The following DHRSX variants were observed in gnomAD, a reference collection of about 807,000 sequenced individuals.
The protein encoded by DHRSX is polyprenol dehydrogenase.
DHRSX carries 31 observed loss-of-function variants against 34.0 expected under a neutral mutation model. The observed-to-expected ratio is 0.91, with a 90% CI of 0.69 to 1.23. The LOEUF is 1.23. Among genes scored for constraint, DHRSX ranks in the 50% most tolerant of loss-of-function variants. The pLI, the probability that DHRSX is intolerant of heterozygous loss-of-function variation, is 0.00. For missense variants in DHRSX, 414 were observed against 428.1 expected (o/e 0.97, Z 0.29); for synonymous variants, 201 against 183.8 (o/e 1.09, Z -0.76).
intron 1 of DHRSX, among the ~76,000 whole-genome samples, chrX:2,447,864 A>C (rs1220866482): frequency 1.1e-5 from 1 of 91,076 alleles, no homozygotes; most frequent in South Asian, 3.4e-4. Flanking sequence ...GTTGCCAGGG[A>C]AGAATGCTTC....
chrX:2,495,678 C>T (rs1449839818), intron 1 of DHRSX, among the ~76,000 whole-genome samples: 2 of 152,254 alleles, frequency 1.3e-5, no homozygotes, highest in East Asian at 3.9e-4. Flanking sequence ...TCCCTTGCAG[C>T]GCTTCCGAGC....
At chrX:2,419,711 C>T (rs756860845) in intron 2 of DHRSX, among the ~76,000 whole-genome samples, 35 of 150,214 alleles carry the variant, frequency 2.3e-4, no homozygotes, top group Non-Finnish European at 3.7e-4. Flanking sequence ...AGCAAACTAT[C>T]GCAAGGACAA....
rs866897363 is a variant in DHRSX at position 2,277,130 on chromosome X, G to A, written c.389-10183C>T. Among the ~76,000 whole-genome samples, 218 of 33,944 alleles carry A rather than the reference G, an allele frequency of 6.4e-3. 7 individuals carry two copies. The highest frequency in any genetic ancestry group is 0.023 in the African/African-American group (114 of 5,022). The allele number at this position is 33,944 out of a possible 152,430, so 22.3% of individuals were successfully genotyped here. On this transcript the variant is annotated intron_variant, in intron 4 of 6. Coordinates refer to ENST00000334651, the MANE Select transcript of DHRSX (RefSeq NM_145177.3). Reference sequence around the variant, plus strand: ...AGAGAGGGAGGGCAAACGAGAGAGGGAGAGAGAAGGAAGAGGAGGAAATAG... The same window carrying A: ...AGAGAGGGAGGGCAAACGAGAGAGGAAGAGAGAAGGAAGAGGAGGAAATAG...
intron 3 of DHRSX, among the ~76,000 whole-genome samples, chrX:2,346,781 T>C (rs1308011851): frequency 6.6e-6 from 1 of 152,092 alleles, no homozygotes; most frequent in Admixed American, 6.6e-5. Context: ...GTATTTCTCC[T>C]AATGCTATCC....
intron 5 of DHRSX, among the ~76,000 whole-genome samples, chrX:2,252,995 G>A (rs1482137650): frequency 1.3e-5 from 2 of 152,174 alleles, no homozygotes; most frequent in Non-Finnish European, 2.9e-5. Context: ...AGACCAGACT[G>A]GGGAGTATAG....
chrX:2,343,674 G>A (rs1401819589), intron 3 of DHRSX, among the ~76,000 whole-genome samples: 1 of 152,178 alleles, frequency 6.6e-6, no homozygotes, highest in Non-Finnish European at 1.5e-5. Flanking sequence ...TTCCTTGCAA[G>A]ATGGCGACCA....
chrX:2,318,503 G>A (rs1169512522), intron 3 of DHRSX, among the ~76,000 whole-genome samples: 8 of 151,732 alleles, frequency 5.3e-5, no homozygotes, highest in African/African-American at 1.2e-4. Context: ...CCAAGATGGC[G>A]ACGAGACTGA....
In DHRSX at chrX:2,432,950, T is replaced by G. The variant is rs1292817908; in HGVS notation, c.110-7646A>C. ...CCAGCCTGGGAAACAGAGAGAGGCCTCATCTCTACAAAAAATTTAAAAAAT... is the reference window on the plus strand; with the variant it reads ...CCAGCCTGGGAAACAGAGAGAGGCCGCATCTCTACAAAAAATTTAAAAAAT... On this transcript the variant is annotated intron_variant, in intron 1 of 6. Transcript: ENST00000334651. Among the ~76,000 whole-genome samples, 3 of 152,142 alleles carry G rather than the reference T, an allele frequency of 2.0e-5. No individual in the cohort carries two copies. In the East Asian group the frequency reaches 5.8e-4, roughly 30 times the overall value.
chrX:2,456,613 CAAAAA>C (rs57262200), intron 1 of DHRSX, among the ~76,000 whole-genome samples: 2 of 108,874 alleles, frequency 1.8e-5, no homozygotes, highest in Admixed American at 1.0e-4. Flanking sequence ...GACTCCTCTT[CAAAAA>C]AAAAAAAAAA....
chrX:2,316,569 T>C (rs1360794438), intron 3 of DHRSX, among the ~76,000 whole-genome samples: 1 of 151,656 alleles, frequency 6.6e-6, no homozygotes, highest in Non-Finnish European at 1.5e-5. Flanking sequence ...ACAACAATAA[T>C]AACAACAAAA....
intron 3 of DHRSX, among the ~76,000 whole-genome samples, chrX:2,355,114 A>G (rs904470579): frequency 3.3e-5 from 5 of 152,228 alleles, no homozygotes; most frequent in African/African-American, 1.2e-4. Flanking sequence ...GGTTGGAAGG[A>G]AAACACAAAT....
At chrX:2,232,407 T>C (rs1367748074) in intron 6 of DHRSX, among the ~76,000 whole-genome samples, 1 of 152,014 alleles carries the variant, frequency 6.6e-6, no homozygotes, top group African/African-American at 2.4e-5. Flanking sequence ...CCGAGAACTA[T>C]CTTCTTTTGT....
chrX:2,257,837 G>A (rs1386723273), intron 5 of DHRSX, among the ~76,000 whole-genome samples: 1 of 152,042 alleles, frequency 6.6e-6, no homozygotes, highest in Non-Finnish European at 1.5e-5. Flanking sequence ...GTGTTGTCCA[G>A]GCTGGTCTTG....
At chrX:2,499,230 T>G (rs1055320367) in intron 1 of DHRSX, among the ~76,000 whole-genome samples, 1 of 152,014 alleles carries the variant, frequency 6.6e-6, no homozygotes, top group African/African-American at 2.4e-5. Flanking sequence ...TGCAGTAGTG[T>G]CTTCCAGAGG....
rs368627263 is a variant in DHRSX, at chrX:2,405,023, G to GA, written c.286+3721dup. 4.1e-4 allele frequency among the ~76,000 whole-genome samples: 62 copies of GA among 152,206 alleles called. 1 individual carries two copies. The highest frequency in any genetic ancestry group is 1.4e-3 in the African/African-American group (59 of 41,462). On this transcript the variant is annotated intron_variant, in intron 3 of 6. Coordinates refer to ENST00000334651, the MANE Select transcript of DHRSX (RefSeq NM_145177.3). ...GGAGCCCCTGTGGGAGTGTGTTCCT[G>GA]AAAATCACAGGGATCCTGCAATGCC...
intron 6 of DHRSX, among the ~76,000 whole-genome samples, chrX:2,234,479 C>A (rs1471303555): frequency 3.3e-5 from 5 of 152,228 alleles, no homozygotes; most frequent in Non-Finnish European, 7.3e-5. Flanking sequence ...CTTCCAGGCA[C>A]AGAGCCCTGA....
chrX:2,315,215 TG>T (rs2042228191), intron 3 of DHRSX, among the ~76,000 whole-genome samples: 1 of 151,690 alleles, frequency 6.6e-6, no homozygotes, highest in Admixed American at 6.6e-5. Context: ...TCTCCTGGCT[TG>T]GTGCTGTCCA....
intron 3 of DHRSX, among the ~76,000 whole-genome samples, chrX:2,407,881 C>G (rs2043577238): frequency 6.6e-6 from 1 of 152,036 alleles, no homozygotes; most frequent in Non-Finnish European, 1.5e-5. Flanking sequence ...CACCACTACG[C>G]CATTCATCCA....
intron 1 of DHRSX, among the ~76,000 whole-genome samples, chrX:2,478,868 G>A (rs1305527680): frequency 1.3e-5 from 2 of 148,558 alleles, no homozygotes; most frequent in African/African-American, 5.0e-5. Context: ...GGACCACCAC[G>A]GTGTACACAC....
Sources: allele counts gnomAD v4.1 joint callset (sites outside exome capture counted in the v4.1 genomes callset), GRCh38; gene constraint gnomAD v4.1.1; transcripts MANE v1.5; gene names NCBI Gene and HGNC (gene_info 2026-07-23, HGNC 2026-07-21).